Variants in ST3GAL4 observed in about 807,000 individuals in gnomAD.
ST3GAL4 encodes CMP-N-acetylneuraminate-beta-galactosamide-alpha-2,3-sialyltransferase 4.
In ST3GAL4, 24 loss-of-function variants were observed where a neutral mutation model predicts 42.6. The ratio of observed to expected loss-of-function variants is 0.56; its 90% confidence interval spans 0.41 to 0.79. The LOEUF is 0.79. Among genes scored for constraint, ST3GAL4 ranks in the 30% least tolerant of loss-of-function variants. The probability of loss-of-function intolerance (pLI) is 0.00; values close to 1 mark genes in which losing one functional copy is unlikely to be tolerated. For synonymous variants in ST3GAL4, 135 were observed against 163.2 expected, an observed-to-expected ratio of 0.83 and a Z score of 1.32; for missense variants, 311 against 430.8, an observed-to-expected ratio of 0.72 and a Z score of 2.46.
At chr11:126,385,124 G>T (rs1953175439) in intron 1 of ST3GAL4, among the ~76,000 whole-genome samples, 1 of 151,934 alleles carries the variant, frequency 6.6e-6, no homozygotes, top group Non-Finnish European at 1.5e-5. Flanking sequence ...GCTCTGAGAG[G>T]TTAAGTACCT....
chr11:126,408,280 G>A (rs755530282), intron 7 of ST3GAL4, 27 bp from the exon 8 acceptor site: 1 of 1,613,110 alleles, frequency 6.2e-7, no homozygotes, highest in South Asian at 1.1e-5. Flanking sequence ...GGCCTCTAGT[G>A]ATGGGAATCC....
chr11:126,405,645 T>G, intron 1 of ST3GAL4: 1 of 191,034 alleles, frequency 5.2e-6, no homozygotes, highest in Non-Finnish European at 1.1e-5. Flanking sequence ...ACGCCTTGGA[T>G]GGTGGAGAAT....
chr11:126,403,393 C>T, intron 1 of ST3GAL4: 1 of 985,346 alleles, frequency 1.0e-6, no homozygotes, highest in South Asian at 4.7e-5. Context: ...GAAGGCAGCC[C>T]TGGAGGATAC....
chr11:126,375,803 A>G lies in ST3GAL4; in HGVS notation c.-61+19961A>G, dbSNP rs186819953. ...CACAATACACAGGACAGACCCCGCA[A>G]CAATGAACTGTCTGGCCCCCAAAGT... On this transcript the variant is annotated intron_variant, in intron 1 of 10. Coordinates refer to ENST00000444328, the MANE Select transcript of ST3GAL4 (RefSeq NM_001254757.2). 5.8e-4 allele frequency among the ~76,000 whole-genome samples: 88 copies of G among 151,672 alleles called. 1 individual carries two copies. In the East Asian group the frequency reaches 0.014, roughly 23 times the overall value.
At chr11:126,371,789 G>A (rs949559740) in intron 1 of ST3GAL4, among the ~76,000 whole-genome samples, 6 of 152,208 alleles carry the variant, frequency 3.9e-5, no homozygotes, top group African/African-American at 7.2e-5. Context: ...GGCTGTGCCC[G>A]GAAATGCAAT....
intron 1 of ST3GAL4, among the ~76,000 whole-genome samples, chr11:126,387,968 C>T (rs983154661): frequency 6.6e-6 from 1 of 152,232 alleles, no homozygotes; most frequent in African/African-American, 2.4e-5. Context: ...GGTTTGCAGC[C>T]TCTTTTTCAC....
chr11:126,402,814 C>T (rs1954064153), intron 1 of ST3GAL4, among the ~76,000 whole-genome samples: 1 of 152,212 alleles, frequency 6.6e-6, no homozygotes. Context: ...AGTTCTGTGG[C>T]AGAACTGACC....
intron 1 of ST3GAL4, among the ~76,000 whole-genome samples, chr11:126,369,248 C>G (rs1300617660): frequency 6.6e-6 from 1 of 150,484 alleles, no homozygotes; most frequent in Non-Finnish European, 1.5e-5. Flanking sequence ...CTCTCTCTCT[C>G]TTTTTTTTGG....
chr11:126,387,096 G>A (rs1009420605), intron 1 of ST3GAL4, among the ~76,000 whole-genome samples: 2 of 152,206 alleles, frequency 1.3e-5, no homozygotes, highest in African/African-American at 4.8e-5. Context: ...GCCAGTCAGC[G>A]AGAGGCGCAG....
intron 4 of ST3GAL4, 46 bp downstream of exon 4, chr11:126,407,069 C>G: frequency 6.3e-7 from 1 of 1,583,898 alleles, no homozygotes. Flanking sequence ...ATGGAGCGAG[C>G]TGGGATTGAG....
rs1040787877 is a variant in ST3GAL4 at position 126,409,245 on chromosome 11, C to G, written c.628-23C>G. ...CAGGGCTTCACCCGCTTCTGTCTCT[C>G]TCTTCTGACCCCATCCTCCTAGGTG... On this transcript the variant is annotated intron_variant, in intron 8 of 10. Transcript: ENST00000444328. The surrounding 1 kb of genome is among the most constrained non-coding windows in gnomAD (Gnocchi z 4.9). 1 of 1,610,228 alleles carries G rather than the reference C, an allele frequency of 6.2e-7. No individual in the cohort carries two copies.
chr11:126,380,531 A>G (rs73632775), intron 1 of ST3GAL4, among the ~76,000 whole-genome samples: 5,284 of 152,292 alleles, frequency 0.035, 301 homozygotes, highest in African/African-American at 0.12. Flanking sequence ...AAGGTCGGTG[A>G]TAATTCTTTT....
At chr11:126,403,766 T>A (rs1040230058) in intron 1 of ST3GAL4, among the ~76,000 whole-genome samples, 1 of 152,116 alleles carries the variant, frequency 6.6e-6, no homozygotes, top group Admixed American at 6.5e-5. Context: ...TTCGGAGCAC[T>A]GCAACTCAAA....
At chr11:126,364,721 G>A (rs978784631) in intron 1 of ST3GAL4, among the ~76,000 whole-genome samples, 1 of 150,150 alleles carries the variant, frequency 6.7e-6, no homozygotes, top group Non-Finnish European at 1.5e-5. Context: ...GTGCTCAGGA[G>A]GGCAGAATAA....
chr11:126,399,553 C>T (rs1422426489), intron 1 of ST3GAL4, among the ~76,000 whole-genome samples: 5 of 151,988 alleles, frequency 3.3e-5, no homozygotes, highest in Non-Finnish European at 5.9e-5. Context: ...ATGATCCGCC[C>T]GCCTCAGCCT....
chr11:126,390,511 A>G (rs868063627), intron 1 of ST3GAL4, among the ~76,000 whole-genome samples: 3 of 151,080 alleles, frequency 2.0e-5, no homozygotes, highest in Admixed American at 6.6e-5. Flanking sequence ...TGGAAATGAG[A>G]TTTGGTTTTA....
rs1954448154 is a variant in ST3GAL4 at position 126,410,015 on chromosome 11, G to A, written c.771+604G>A. ...ACTTCCAGGCTCAGGTGATCCTTCT[G>A]CCTCAGCCTCCTGAGTAGCTGTGAG... is the stretch of plus-strand genomic sequence containing the variant. On this transcript the variant is annotated intron_variant, in intron 9 of 10. Coordinates refer to ENST00000444328, the MANE Select transcript of ST3GAL4 (RefSeq NM_001254757.2). The surrounding 1 kb of genome is among the most constrained non-coding windows in gnomAD (Gnocchi z 5.3). Among the ~76,000 whole-genome samples the A allele has an allele frequency of 6.6e-6, 1 of 152,118 alleles. No individual in the cohort carries two copies. Among genetic ancestry groups the A allele is most frequent in the African/African-American group, 2.4e-5 (1 of 41,414 alleles).
chr11:126,403,609 A>T (rs1166690629), intron 1 of ST3GAL4: 1 of 221,022 alleles, frequency 4.5e-6, no homozygotes, highest in East Asian at 1.8e-4. Context: ...AGGTCATTGC[A>T]TTGTGCAGCC....
intron 1 of ST3GAL4, among the ~76,000 whole-genome samples, chr11:126,369,608 T>C (rs1293164637): frequency 6.6e-6 from 1 of 152,212 alleles, no homozygotes; most frequent in African/African-American, 2.4e-5. Context: ...GGAAAGGTCA[T>C]TCACACTCCC....
Sources: gnomAD v4.1 joint callset for allele counts (sites outside exome capture counted in the v4.1 genomes callset) on GRCh38, gnomAD v4.1.1 for gene constraint, Gnocchi (gnomAD v3.1) non-coding constraint, MANE v1.5 for transcripts, NCBI Gene and HGNC (gene_info 2026-07-23, HGNC 2026-07-21) for gene names.